ARAP1: variants seen among roughly 807,000 people sequenced by gnomAD.
ARAP1 encodes the protein arf-GAP with Rho-GAP domain, ANK repeat and PH domain-containing protein 1.
ARAP1 carries 76 observed loss-of-function variants against 172.2 expected under a neutral mutation model. That is an observed-to-expected ratio of 0.44 (90% CI 0.37 to 0.53). The LOEUF is 0.53. Ranked by LOEUF, ARAP1 falls within the 20% of genes least tolerant of loss-of-function variation. The pLI is 0.00. For missense variants in ARAP1, 1,686 were observed against 1,977.5 expected, an observed-to-expected ratio of 0.85 and a Z score of 2.80; for synonymous variants, 804 against 803.3, an observed-to-expected ratio of 1.00 and a Z score of -0.01.
rs1856009245 is a variant in ARAP1, at chr11:72,693,076, C to CA, written c.3954+248dup. On this transcript the variant is annotated intron_variant, in intron 29 of 34. Transcript: ENST00000393609. The surrounding 1 kb of genome is among the most constrained non-coding windows in gnomAD (Gnocchi z 4.6). ...GTGATAAGGCACAGGCACAGTGAGACAGAGCATGGGCATGGAGTGGTGTGA... is the reference window on the plus strand; with the variant it reads ...GTGATAAGGCACAGGCACAGTGAGACAAGAGCATGGGCATGGAGTGGTGTGA... 6 of 653,240 alleles carry CA rather than the reference C, an allele frequency of 9.2e-6. No homozygotes were observed. The Admixed American group carries it at 1.6e-4, about 17-fold the overall frequency. The allele number at this position is 653,240 out of a possible 1,614,324, so 40.5% of individuals were successfully genotyped here. A position where few individuals can be genotyped will look rare whatever the true frequency, so the allele number is the denominator to read the frequency against.
At chr11:72,740,343 A>G (rs1350373875) in intron 1 of ARAP1, among the ~76,000 whole-genome samples, 1 of 152,246 alleles carries the variant, frequency 6.6e-6, no homozygotes, top group Non-Finnish European at 1.5e-5. Flanking sequence ...ACCAAGGGAC[A>G]GTAGGCATTG....
intron 31 of ARAP1, among the ~76,000 whole-genome samples, 188 bp downstream of exon 31, chr11:72,688,267 G>A (rs939081653): frequency 1.3e-5 from 2 of 152,084 alleles, no homozygotes; most frequent in African/African-American, 4.8e-5. Flanking sequence ...TTACAGATAT[G>A]AGCCACTGCA....
At chr11:72,721,447 G>A (rs1381590416) in intron 3 of ARAP1, among the ~76,000 whole-genome samples, 2 of 152,254 alleles carry the variant, frequency 1.3e-5, no homozygotes, top group East Asian at 3.9e-4. Context: ...TCCCCAGAGG[G>A]GTGTAGGGAG....
At position 72,726,224 on chromosome 11, in the gene ARAP1, CAT is replaced by C. The variant is rs1015472964; in HGVS notation, c.509+394_509+395del. On this transcript the variant is annotated intron_variant, in intron 3 of 34. Coordinates refer to ENST00000393609, the MANE Select transcript of ARAP1 (RefSeq NM_001040118.3). This position sits in a 1 kb window ranked among gnomAD's most constrained non-coding sequence, Gnocchi z 6.5. ...ACCCCGCAGCTTTCCGTTTCCTACA[CAT>C]GTTGCCTCTTGATGCCGGCATGGAC... Among the ~76,000 whole-genome samples the C allele has an allele frequency of 1.3e-5, 2 of 152,114 alleles. No individual in the cohort carries two copies. The highest frequency in any genetic ancestry group is 4.8e-5 in the African/African-American group (2 of 41,406).
At chr11:72,703,817 A>C in intron 14 of ARAP1, 1 of 315,498 alleles carries the variant, frequency 3.2e-6, no homozygotes, top group Non-Finnish European at 6.0e-6. Flanking sequence ...GTTTTTCATG[A>C]GCCTGACAGG....
chr11:72,727,718 C>T (rs150827624), intron 2 of ARAP1, among the ~76,000 whole-genome samples: 1 of 152,380 alleles, frequency 6.6e-6, no homozygotes, highest in East Asian at 1.9e-4. Flanking sequence ...AAGTGAAATG[C>T]TGTGGGACGT....
intron 3 of ARAP1, 70 bp from the exon 4 acceptor site, chr11:72,714,391 C>T (rs1857182741): frequency 6.9e-7 from 1 of 1,453,278 alleles, no homozygotes; most frequent in South Asian, 1.3e-5. Context: ...GAGCCCCCAG[C>T]TCACCTGAAC....
At chr11:72,687,943 C>T (rs552429310) in intron 31 of ARAP1, among the ~76,000 whole-genome samples, 32 of 152,232 alleles carry the variant, frequency 2.1e-4, no homozygotes, top group South Asian at 2.1e-4. Flanking sequence ...CCCAGCCCTA[C>T]CCTCAGAATC....
intron 15 of ARAP1, 92 bp downstream of exon 15, chr11:72,702,813 G>A: frequency 6.9e-7 from 1 of 1,456,812 alleles, no homozygotes; most frequent in Non-Finnish European, 9.2e-7. Context: ...AGGCCCTTGA[G>A]GAGCTGCGAT....
chr11:72,685,848 C>T (rs1481917104), intron 34 of ARAP1, 167 bp from the exon 35 acceptor site: 5 of 1,346,090 alleles, frequency 3.7e-6, no homozygotes, highest in Non-Finnish European at 4.2e-6. Context: ...CTCCCAGCTT[C>T]CAGGGCCAGG....
chr11:72,741,361 T>G lies in ARAP1; in HGVS notation c.-127-8764A>C, dbSNP rs1477419067. On this transcript the variant is annotated intron_variant, in intron 1 of 34. Coordinates refer to ENST00000393609, the MANE Select transcript of ARAP1 (RefSeq NM_001040118.3). The surrounding 1 kb of genome is among the most constrained non-coding windows in gnomAD (Gnocchi z 4.5). ...AGGACCCTCCCCACTCTCCCAGTCC[T>G]CACCCTCGGCCTAGCTCAGGCCCTT... Among the ~76,000 whole-genome samples the G allele has an allele frequency of 6.6e-6, 1 of 152,040 alleles. No homozygotes were observed. Among genetic ancestry groups the G allele is most frequent in the Non-Finnish European group, 1.5e-5 (1 of 67,980 alleles).
chr11:72,713,253 G>A lies in ARAP1; in HGVS notation c.680-10C>T, dbSNP rs1285365704. 2.5e-5 allele frequency: 40 copies of A among 1,613,770 alleles called. No individual in the cohort carries two copies. Among genetic ancestry groups the A allele is most frequent in the Non-Finnish European group, 3.1e-5 (36 of 1,179,856 alleles). On this transcript the variant is annotated splice_polypyrimidine_tract_variant and intron_variant, in intron 4 of 34. Transcript: ENST00000393609. ...TCGTAGTCAGAGTCATCTGGTGAGA[G>A]AGGGGTTGGGGGGCCTCAGGGCAAG...
chr11:72,691,177 C>T (rs1359005902), intron 30 of ARAP1, among the ~76,000 whole-genome samples: 2 of 152,238 alleles, frequency 1.3e-5, no homozygotes, highest in Non-Finnish European at 2.9e-5. Context: ...GCAAGTCACA[C>T]AAAGCCTGTT....
rs1469457076 is a variant in ARAP1, at chr11:72,725,301, T to C, written c.509+1319A>G. Among the ~76,000 whole-genome samples, 2 of 150,034 alleles carry C rather than the reference T, an allele frequency of 1.3e-5. No homozygotes were observed. The highest frequency in any genetic ancestry group is 4.9e-5 in the African/African-American group (2 of 41,126). On this transcript the variant is annotated intron_variant, in intron 3 of 34. Transcript: ENST00000393609. This position sits in a 1 kb window ranked among gnomAD's most constrained non-coding sequence, Gnocchi z 4.3. ...ATCCTCTTCTCTCTTCTAACCTCTC[T>C]CTCTCTCTCTCTCTCTCTTTTTCTC... is the stretch of plus-strand genomic sequence containing the variant.
chr11:72,710,547 C>T lies in ARAP1; in HGVS notation c.1254G>A (p.Met418Ile), dbSNP rs778701120. The T allele has an allele frequency of 1.2e-6, 2 of 1,611,838 alleles. No individual in the cohort carries two copies. Among genetic ancestry groups the T allele is most frequent in the Admixed American group, 3.3e-5 (2 of 60,008 alleles). The change falls in exon 10 of 35, where the codon ATG becomes ATA. Residue 418 changes from methionine (M) to isoleucine (I), a missense_variant. Met to Ile is a conservative substitution (Grantham distance 10, BLOSUM62 1). Coordinates refer to ENST00000393609, the MANE Select transcript of ARAP1 (RefSeq NM_001040118.3). The surrounding 1 kb of genome is among the most constrained non-coding windows in gnomAD (Gnocchi z 4.3). ...GCCGGGCCCGGGCACGCTGCTCAGC[C>T]ATGGCCTGCTGCAGGGCCTGCATCC... The part of the protein sequence containing the change: ...KEWMQALQQA[M>I]AEQRARARLS...
chr11:72,698,875 C>T (rs1461970803), intron 18 of ARAP1, 130 bp downstream of exon 18: 2 of 984,132 alleles, frequency 2.0e-6, no homozygotes, highest in African/African-American at 1.6e-5. Flanking sequence ...GACAGGCCCG[C>T]TCCATGTCTG....
chr11:72,714,215 G>C lies in ARAP1; in HGVS notation c.616C>G (p.Pro206Ala), dbSNP rs1301300162. ...TCCGGGGGGCAGGGAGGTGGAGAGG[G>C]AGGCTGGGGAGGCCCCTGGGGGAGG... ...STLPQGPPQP[P>A]SPPPCPPEIP... Residue 206 changes from proline (P) to alanine (A), a missense_variant, in exon 4 of 35, where the codon CCC (proline) becomes GCC (alanine). Pro to Ala is a conservative substitution (Grantham distance 27). Coordinates refer to ENST00000393609, the MANE Select transcript of ARAP1 (RefSeq NM_001040118.3). 4.6e-6 allele frequency: 7 copies of C among 1,519,324 alleles called. No individual in the cohort carries two copies. Among genetic ancestry groups the C allele is most frequent in the Non-Finnish European group, 5.3e-6 (6 of 1,137,984 alleles). 94.1% of individuals were successfully genotyped at this position (1,519,324 alleles called of 1,614,324 possible). A position where few individuals can be genotyped will look rare whatever the true frequency, so the allele number is the denominator to read the frequency against.
At chr11:72,722,260 G>A in intron 3 of ARAP1, 1 of 985,596 alleles carries the variant, frequency 1.0e-6, no homozygotes, top group Non-Finnish European at 1.2e-6. Context: ...TCTGCACCCA[G>A]CTCTGGTCTC....
At chr11:72,704,125 G>A (rs748857544) in intron 14 of ARAP1, 27 bp downstream of exon 14, 17 of 1,613,690 alleles carry the variant, frequency 1.1e-5, no homozygotes, top group South Asian at 3.3e-5. Context: ...GTGGTCCCAA[G>A]GGGCCCCAGA....
Sources: gnomAD v4.1 joint callset for allele counts (sites outside exome capture counted in the v4.1 genomes callset) on GRCh38, gnomAD v4.1.1 for gene constraint, Gnocchi (gnomAD v3.1) non-coding constraint, MANE v1.5 for transcripts, NCBI Gene and HGNC (gene_info 2026-07-23, HGNC 2026-07-21) for gene names.